NEMF: variants seen among roughly 807,000 people sequenced by gnomAD.
NEMF encodes the protein nuclear export mediator factor, also known as ribosome quality control complex subunit NEMF.
Under a neutral mutation model 162.2 loss-of-function variants are expected in NEMF, and 89 were observed. That is an observed-to-expected ratio of 0.55 (90% CI 0.46 to 0.65). The LOEUF (loss-of-function observed/expected upper bound fraction) is 0.65, where lower values mean the gene tolerates loss of function less well. Ranked by LOEUF, NEMF falls within the 30% of genes least tolerant of loss-of-function variation. The probability of loss-of-function intolerance (pLI) is 0.00; values close to 1 mark genes in which losing one functional copy is unlikely to be tolerated. For missense variants in NEMF, 1,133 were observed against 1,261.9 expected (o/e 0.90, Z 1.55); for synonymous variants, 421 against 404.5 (o/e 1.04, Z -0.49).
chr14:49,851,568 T>G lies in NEMF; in HGVS notation c.226A>C (p.Met76Leu). Residue 76 changes from methionine (M) to leucine (L), a missense_variant, in exon 3 of 33, where the codon ATG becomes CTG. Around this residue, in one of 3 missense-constraint regions of NEMF, gnomAD observed 582 missense variants for 631.5 expected, o/e 0.92. Coordinates refer to ENST00000298310, the MANE Select transcript of NEMF (RefSeq NM_004713.6). ...TTCAAGCGTAACAAGTTTACCTTCA[T>G]GGCAAAACTAGACGGCATCATATTC... ...PKNMMPSSFA[M>L]KCRKHLKSRR... is the part of the protein sequence containing the mutation. 6.2e-7 allele frequency: 1 copy of G among 1,609,354 alleles called. No individual in the cohort carries two copies. Among genetic ancestry groups the G allele is most frequent in the Non-Finnish European group, 8.5e-7 (1 of 1,176,142 alleles).
intron 6 of NEMF, among the ~76,000 whole-genome samples, chr14:49,836,857 T>C (rs1892931723): frequency 6.6e-6 from 1 of 152,176 alleles, no homozygotes; most frequent in African/African-American, 2.4e-5. Flanking sequence ...CAAAATTCAT[T>C]TATGACTTTA....
At chr14:49,799,354 A>C in intron 25 of NEMF, 121 bp downstream of exon 25, 1 of 792,356 alleles carries the variant, frequency 1.3e-6, no homozygotes, top group Non-Finnish European at 1.9e-6. Flanking sequence ...CATTTGTGCT[A>C]AATCTTGGTA....
At position 49,788,794 on chromosome 14, in the gene NEMF, T is replaced by C. The variant is rs144804212; in HGVS notation, c.2895+352A>G. 1.9e-3 allele frequency among the ~76,000 whole-genome samples: 288 copies of C among 152,232 alleles called. 2 individuals carry two copies. Among genetic ancestry groups the C allele is most frequent in the South Asian group, 6.0e-3 (29 of 4,818 alleles). ...GCATGGTCTCAATCTCCTGACCTTG[T>C]GATCTGCCTGCCTTGGCCTCTCAAA... On this transcript the variant is annotated intron_variant, in intron 28 of 32. Transcript: ENST00000298310.
At chr14:49,819,037 A>G (rs1324944029) in intron 16 of NEMF, among the ~76,000 whole-genome samples, 1 of 152,152 alleles carries the variant, frequency 6.6e-6, no homozygotes, top group African/African-American at 2.4e-5. Context: ...TGGAGACAAA[A>G]GCAACATTTT....
chr14:49,782,916 A>C lies in NEMF; in HGVS notation c.*1720T>G, dbSNP rs1889977384. 1.2e-6 allele frequency: 2 copies of C among 1,613,714 alleles called. No individual in the cohort carries two copies. Among genetic ancestry groups the C allele is most frequent in the Non-Finnish European group, 1.7e-6 (2 of 1,179,710 alleles). On this transcript the variant is annotated 3_prime_UTR_variant, in exon 33 of 33. Transcript: ENST00000298310. The stretch of plus-strand genomic sequence containing the variant: ...CCAAAACACTTACTTCACAGTGTTA[A>C]TCAGAGGTTTGGTAGTAACAACACT...
At chr14:49,799,753 A>G (rs947137486) in intron 23 of NEMF, 75 bp from the exon 24 acceptor site, 4 of 1,238,900 alleles carry the variant, frequency 3.2e-6, no homozygotes, top group Admixed American at 2.3e-5. Flanking sequence ...AAACATTCCC[A>G]TATCATACTC....
chr14:49,839,879 G>A (rs149294223), intron 5 of NEMF: 5 of 152,104 alleles, frequency 3.3e-5, no homozygotes, highest in Non-Finnish European at 7.3e-5. Flanking sequence ...AAAGACATTG[G>A]CTGGGCCCGG....
At position 49,846,217 on chromosome 14, in the gene NEMF, C is replaced by G. The variant is rs1285444363; in HGVS notation, c.280G>C (p.Gly94Arg). ...TGAAAATCTACAATTCTATCCACAC[C>G]AAGCTGTTTTGCACTGACTAATCTC... ...SRRLVSAKQL[G>R]VDRIVDFQFG... The change falls in exon 4 of 33, where the codon GGT (glycine) becomes CGT (arginine). Residue 94 changes from glycine to arginine, a missense_variant. By Grantham distance (125) the Gly-to-Arg change is moderately radical (BLOSUM62 -2). Coordinates refer to ENST00000298310, the MANE Select transcript of NEMF (RefSeq NM_004713.6). 6.2e-6 allele frequency: 10 copies of G among 1,613,782 alleles called. No homozygotes were observed. Among genetic ancestry groups the G allele is most frequent in the Non-Finnish European group, 7.6e-6 (9 of 1,179,762 alleles).
At position 49,799,764 on chromosome 14, in the gene NEMF, T is replaced by C. The variant is rs1041372689; in HGVS notation, c.2373-86A>G. 15 of 1,122,666 alleles carry C rather than the reference T, an allele frequency of 1.3e-5. No homozygotes were observed. In the African/African-American group the frequency reaches 2.4e-4, roughly 18 times the overall value. The allele number at this position is 1,122,666 out of a possible 1,614,324, so 69.5% of individuals were successfully genotyped here. Reference sequence around the variant, plus strand: ...CCCAAAACATTCCCATATCATACTCTTAAGTACTGGCAATCCAACAAATTT... The same window carrying C: ...CCCAAAACATTCCCATATCATACTCCTAAGTACTGGCAATCCAACAAATTT... On this transcript the variant is annotated intron_variant, in intron 23 of 32. Transcript: ENST00000298310.
intron 26 of NEMF, among the ~76,000 whole-genome samples, chr14:49,794,604 G>C (rs1890600620): frequency 7.6e-6 from 1 of 130,794 alleles, no homozygotes; most frequent in African/African-American, 2.9e-5. Flanking sequence ...GGGCAACAGA[G>C]CAAGACCCTG....
rs376310576 is a variant in NEMF, at chr14:49,789,166, C to T, written c.2875G>A (p.Asp959Asn). The T allele has an allele frequency of 3.3e-5, 54 of 1,613,778 alleles. No individual in the cohort carries two copies. Among genetic ancestry groups the T allele is most frequent in the Non-Finnish European group, 4.4e-5 (52 of 1,179,940 alleles). Residue 959 changes from aspartate (D) to asparagine (N), a missense_variant, in exon 28 of 33, where the codon GAT becomes AAT. By Grantham distance (23) the Asp-to-Asn change is conservative. Transcript: ENST00000298310. ...CATACCTTGTCATCATGTGGATCAT[C>T]TACAGCAAAGTCTTGTAACTCATGA... ...ITHELQDFAVDDPHDDKEEQD... is the reference protein window; with the variant it reads ...ITHELQDFAVNDPHDDKEEQD...
intron 28 of NEMF, among the ~76,000 whole-genome samples, chr14:49,788,187 G>T (rs1748950389): frequency 7.0e-6 from 1 of 143,774 alleles, no homozygotes; most frequent in Admixed American, 7.5e-5. Flanking sequence ...GCTGAGGCCG[G>T]ATAATTGCTT....
chr14:49,846,942 G>A (rs765580838), intron 3 of NEMF, among the ~76,000 whole-genome samples: 2 of 152,188 alleles, frequency 1.3e-5, no homozygotes, highest in South Asian at 4.1e-4. Context: ...CTGGAATGCA[G>A]TGGCACAGTC....
At position 49,782,401 on chromosome 14, in the gene NEMF, G is replaced by A; in HGVS notation, c.*2235C>T. On this transcript the variant is annotated 3_prime_UTR_variant, in exon 33 of 33. Coordinates refer to ENST00000298310, the MANE Select transcript of NEMF (RefSeq NM_004713.6). ...GCACACAGCTTGTGCCAGCGATGAA[G>A]GAGAAGTAATTGTTTTTGGTGGATG... The A allele has an allele frequency of 6.2e-7, 1 of 1,612,486 alleles. No individual in the cohort carries two copies. The highest frequency in any genetic ancestry group is 8.5e-7 in the Non-Finnish European group (1 of 1,178,642).
chr14:49,844,730 C>T (rs1187479826), intron 4 of NEMF: 81 of 68,502 alleles, frequency 1.2e-3, no homozygotes, highest in Middle Eastern at 4.9e-3. Context: ...CGCACGCGCA[C>T]GCGCGCGCAC....
At chr14:49,808,818 T>G (rs1268460193) in intron 18 of NEMF, among the ~76,000 whole-genome samples, 2 of 151,918 alleles carry the variant, frequency 1.3e-5, no homozygotes, top group Non-Finnish European at 2.9e-5. Flanking sequence ...AAAAAAACTC[T>G]TAGAACTCAA....
At chr14:49,805,269 G>C (rs1891135440) in intron 19 of NEMF, among the ~76,000 whole-genome samples, 1 of 152,046 alleles carries the variant, frequency 6.6e-6, no homozygotes, top group African/African-American at 2.4e-5. Context: ...TACAGCTTTA[G>C]GAACTTATAA....
intron 3 of NEMF, among the ~76,000 whole-genome samples, chr14:49,847,824 GAGTT>G: frequency 6.6e-6 from 1 of 151,008 alleles, no homozygotes; most frequent in African/African-American, 2.4e-5. Flanking sequence ...TTGAGGTCAG[GAGTT>G]CAAGACCAGC....
chr14:49,785,914 A>T (rs1890156752), intron 29 of NEMF: 1 of 153,146 alleles, frequency 6.5e-6, no homozygotes, highest in South Asian at 2.1e-4. Context: ...AAGGAAAAAA[A>T]CTATTGGATA....
Sources: allele counts gnomAD v4.1 joint callset (sites outside exome capture counted in the v4.1 genomes callset), GRCh38; gene constraint gnomAD v4.1.1; regional missense constraint gnomAD v4.1.1; transcripts MANE v1.5; gene names NCBI Gene and HGNC (gene_info 2026-07-23, HGNC 2026-07-21).